Variants in KALRN observed in about 807,000 individuals in gnomAD.
KALRN encodes kalirin.
A neutral mutation model predicts 353.7 loss-of-function variants in KALRN; 70 were observed. The observed-to-expected ratio is 0.20, with a 90% CI of 0.16 to 0.24. The LOEUF is 0.24. KALRN is among the 10% of genes least tolerant of loss of function. The pLI is 1.00. For synonymous variants in KALRN, 1,391 were observed against 1,434.8 expected (o/e 0.97, Z 0.69); for missense variants, 2,791 against 3,756.7 (o/e 0.74, Z 6.72).
chr3:124,462,416 C>T (rs1487454089), intron 24 of KALRN, 108 bp from the exon 25 acceptor site: 6 of 658,222 alleles, frequency 9.1e-6, no homozygotes, highest in Non-Finnish European at 1.7e-5. Flanking sequence ...ACTCTGCACG[C>T]ATTTACAGTT....
At chr3:124,232,804 A>G (rs1175830695) in intron 2 of KALRN, among the ~76,000 whole-genome samples, 3 of 151,950 alleles carry the variant, frequency 2.0e-5, no homozygotes, top group African/African-American at 4.8e-5. Flanking sequence ...ACTATTTATT[A>G]TATGATTTGA....
chr3:124,195,459 A>G (rs1338327014), intron 1 of KALRN, among the ~76,000 whole-genome samples: 2 of 152,164 alleles, frequency 1.3e-5, no homozygotes, highest in East Asian at 1.9e-4. Context: ...ATAATAAAGC[A>G]TGTCCACATT....
At chr3:124,640,645 G>A (rs1233279710) in intron 37 of KALRN, among the ~76,000 whole-genome samples, 1 of 152,112 alleles carries the variant, frequency 6.6e-6, no homozygotes, top group East Asian at 1.9e-4. Context: ...CAAACTGGAG[G>A]GGCCCAGAGG....
intron 1 of KALRN, among the ~76,000 whole-genome samples, chr3:124,148,900 C>T (rs2067717432): frequency 6.6e-6 from 1 of 152,100 alleles, no homozygotes; most frequent in Admixed American, 6.5e-5. Flanking sequence ...ACAGAAAATC[C>T]ATCATTTTTT....
chr3:124,554,931 A>C (rs137879322), intron 33 of KALRN, among the ~76,000 whole-genome samples: 6 of 152,170 alleles, frequency 3.9e-5, no homozygotes, highest in Non-Finnish European at 8.8e-5. Context: ...TAACATGTTT[A>C]TATGTGGCTG....
intron 1 of KALRN, among the ~76,000 whole-genome samples, chr3:124,222,885 G>T (rs2078071403): frequency 6.6e-6 from 1 of 152,064 alleles, no homozygotes; most frequent in South Asian, 2.1e-4. Flanking sequence ...TATTATAGAT[G>T]TGACCTACCA....
chr3:124,633,565 GACT>G (rs1212111536), intron 35 of KALRN, among the ~76,000 whole-genome samples: 2 of 152,144 alleles, frequency 1.3e-5, no homozygotes, highest in Non-Finnish European at 2.9e-5. Flanking sequence ...GGCTCTCTCT[GACT>G]ACTTCCAGCT....
At chr3:124,494,028 A>C (rs1577405732) in intron 32 of KALRN, among the ~76,000 whole-genome samples, 1 of 152,200 alleles carries the variant, frequency 6.6e-6, no homozygotes, top group Non-Finnish European at 1.5e-5. Flanking sequence ...TTACAAAGAA[A>C]TGATGGTCTA....
chr3:124,146,349 T>TA (rs1442979620), intron 1 of KALRN, among the ~76,000 whole-genome samples: 1 of 152,192 alleles, frequency 6.6e-6, no homozygotes, highest in Non-Finnish European at 1.5e-5. Flanking sequence ...ATCTAAAAAT[T>TA]AAAAAATTGG....
chr3:124,492,644 GA>G (rs1454716219), intron 31 of KALRN, 95 bp from the exon 32 acceptor site: 3 of 1,304,964 alleles, frequency 2.3e-6, no homozygotes, highest in Non-Finnish European at 3.2e-6. Context: ...TGGAATCCTT[GA>G]AAATAACAGA....
chr3:124,125,055 A>G lies in KALRN; in HGVS notation c.73+91242A>G, dbSNP rs190941989. 1.3e-4 allele frequency among the ~76,000 whole-genome samples: 20 copies of G among 152,352 alleles called. No homozygotes were observed. In the East Asian group the frequency reaches 3.3e-3, roughly 25 times the overall value. ...ATTTAAACCAAATCTTGCTGAGCCTACAGAGTGGGGTACAACCCTAGTTCA... is the reference window on the plus strand; with the variant it reads ...ATTTAAACCAAATCTTGCTGAGCCTGCAGAGTGGGGTACAACCCTAGTTCA... On this transcript the variant is annotated intron_variant, in intron 1 of 59. Transcript: ENST00000682506.
chr3:124,521,420 T>A (rs776762488), intron 33 of KALRN, among the ~76,000 whole-genome samples: 1 of 152,176 alleles, frequency 6.6e-6, no homozygotes, highest in Non-Finnish European at 1.5e-5. Context: ...GAAATGCTAG[T>A]TGCCCAAGCA....
intron 34 of KALRN, among the ~76,000 whole-genome samples, chr3:124,609,339 G>A (rs937970731): frequency 1.3e-5 from 2 of 152,156 alleles, no homozygotes; most frequent in Non-Finnish European, 2.9e-5. Flanking sequence ...ATGGGTGGGT[G>A]ATGTTATCAG....
At chr3:124,248,752 T>TA (rs1344088309) in intron 3 of KALRN, among the ~76,000 whole-genome samples, 1 of 152,342 alleles carries the variant, frequency 6.6e-6, no homozygotes, top group Non-Finnish European at 1.5e-5. Flanking sequence ...TGAGAGCTAC[T>TA]AAAAAACTCT....
chr3:124,441,878 C>A, intron 18 of KALRN, 67 bp from the exon 19 acceptor site: 3 of 894,290 alleles, frequency 3.4e-6, no homozygotes, highest in South Asian at 2.0e-5. Context: ...GGAGGGTATG[C>A]CTTCTCCATT....
At chr3:124,480,319 C>G (rs2061858203) in intron 27 of KALRN, among the ~76,000 whole-genome samples, 1 of 152,146 alleles carries the variant, frequency 6.6e-6, no homozygotes, top group South Asian at 2.1e-4. Flanking sequence ...GACAAAATTG[C>G]TACTTTCTGG....
chr3:124,314,732 C>G (rs1003000445), intron 6 of KALRN, among the ~76,000 whole-genome samples: 2 of 152,194 alleles, frequency 1.3e-5, no homozygotes, highest in African/African-American at 4.8e-5. Flanking sequence ...TTGTGGCTCA[C>G]TGCAGCCTCA....
intron 38 of KALRN, among the ~76,000 whole-genome samples, chr3:124,655,296 G>A (rs1202445915): frequency 1.3e-5 from 2 of 152,130 alleles, no homozygotes; most frequent in Non-Finnish European, 2.9e-5. Flanking sequence ...CTATACAATC[G>A]TTCAGTTGTA....
Position 124,442,018 on chromosome 3 carries a change from G to A in KALRN, c.3272G>A (p.Ser1091Asn). The change falls in exon 19 of 60, where the codon AGT (serine) becomes AAT (asparagine). Residue 1091 changes from serine to asparagine, a missense_variant. Ser to Asn is a conservative substitution (Grantham distance 46). Transcript: ENST00000682506. ...YIHRNNVSMP[S>N]VASHTRGPEQ... Reference sequence around the variant, plus strand: ...CACAGGAACAACGTCAGCATGCCCAGTGTCGCCAGCCACACTCGGGGACCC... The same window carrying A: ...CACAGGAACAACGTCAGCATGCCCAATGTCGCCAGCCACACTCGGGGACCC... The A allele has an allele frequency of 6.2e-7, 1 of 1,606,992 alleles. No homozygotes were observed. Among genetic ancestry groups the A allele is most frequent in the East Asian group, 2.2e-5 (1 of 44,466 alleles).
Sources: allele counts gnomAD v4.1 joint callset (sites outside exome capture counted in the v4.1 genomes callset), GRCh38; gene constraint gnomAD v4.1.1; transcripts MANE v1.5; gene names NCBI Gene and HGNC (gene_info 2026-07-23, HGNC 2026-07-21).